Variants in NOL9 observed in about 807,000 individuals in gnomAD.
The protein encoded by NOL9 is nucleolar protein 9, also known as polynucleotide 5'-hydroxyl-kinase NOL9.
In NOL9, 28 loss-of-function variants were observed where a neutral mutation model predicts 67.9. The ratio of observed to expected loss-of-function variants is 0.41; its 90% CI spans 0.31 to 0.57. The LOEUF (loss-of-function observed/expected upper bound fraction) is 0.57. Ranked by LOEUF, NOL9 falls within the 20% of genes least tolerant of loss-of-function variation. NOL9 has a pLI of 0.25. For missense variants in NOL9, 777 were observed against 897.0 expected (o/e 0.87, Z 1.71); for synonymous variants, 356 against 352.2 (o/e 1.01, Z -0.12).
At chr1:6,531,032 A>G (rs1639014218) in intron 9 of NOL9, among the ~76,000 whole-genome samples, 1 of 152,206 alleles carries the variant, frequency 6.6e-6, no homozygotes, top group Non-Finnish European at 1.5e-5. Context: ...ACAGGCTTAG[A>G]ACAGAGTACT....
Position 6,522,332 on chromosome 1 carries a change from C to T in NOL9, c.*3522G>A, listed in dbSNP as rs987763469. On this transcript the variant is annotated 3_prime_UTR_variant, in exon 12 of 12. Coordinates refer to ENST00000377705, the MANE Select transcript of NOL9 (RefSeq NM_024654.5). ...TGGGAGGCCAAGGCAGGCGGATCCC[C>T]TGAGGTTGGAAGTTCGAGACCAGCC... The T allele has an allele frequency of 6.6e-6, 1 of 151,588 alleles. No homozygotes were observed. Among genetic ancestry groups the T allele is most frequent in the African/African-American group, 2.4e-5 (1 of 41,258 alleles). The allele number at this position is 151,588 out of a possible 1,614,324, so 9.4% of individuals were successfully genotyped here.
intron 11 of NOL9, 54 bp from the exon 12 acceptor site, chr1:6,526,057 G>C: frequency 2.0e-6 from 3 of 1,508,540 alleles, no homozygotes; most frequent in Non-Finnish European, 2.8e-6. Context: ...AGCCCAGAGG[G>C]GTTTACAGTG....
intron 3 of NOL9, chr1:6,548,675 G>A (rs1639474030): frequency 4.6e-6 from 1 of 215,752 alleles, no homozygotes; most frequent in East Asian, 1.2e-4. Context: ...AAAATTAGAG[G>A]TAAGGAAAGA....
At chr1:6,537,598 A>T (rs1323220228) in intron 6 of NOL9, among the ~76,000 whole-genome samples, 1 of 152,218 alleles carries the variant, frequency 6.6e-6, no homozygotes, top group Non-Finnish European at 1.5e-5. Context: ...GAAAAGCTAT[A>T]GTAATTAAAA....
At chr1:6,528,377 C>T (rs554526182) in intron 10 of NOL9, among the ~76,000 whole-genome samples, 2 of 152,290 alleles carry the variant, frequency 1.3e-5, no homozygotes, top group African/African-American at 2.4e-5. Flanking sequence ...CGGTGGCTGA[C>T]TAGCATGCTG....
At position 6,550,626 on chromosome 1, in the gene NOL9, G is replaced by T; in HGVS notation, c.397-11C>A. The T allele has an allele frequency of 6.3e-7, 1 of 1,583,984 alleles. No individual in the cohort carries two copies. The highest frequency in any genetic ancestry group is 8.6e-7 in the Non-Finnish European group (1 of 1,156,250). On this transcript the variant is annotated splice_polypyrimidine_tract_variant and intron_variant, in intron 1 of 11. Transcript: ENST00000377705. ...ACTAAAAGTAAAACCCTAGCAGGGA[G>T]AGAAAACAGAAAAAACATTATAGAT...
At position 6,554,374 on chromosome 1, in the gene NOL9, G is replaced by T. The variant is rs1207733150; in HGVS notation, c.129C>A (p.Cys43Ter). ...PRRRLGSLRW[C>*]GRRRLRWRLL... ...ACCGCCACCGTAGGCGCCGCCGACC[G>T]CACCAGCGCAGGCTCCCGAGCCGGC... Residue 43 changes from cysteine to a stop codon, truncating the protein, a stop_gained, in exon 1 of 12, where the codon TGC (cysteine) becomes TGA (stop). Coordinates refer to ENST00000377705, the MANE Select transcript of NOL9 (RefSeq NM_024654.5). LOFTEE classifies it high-confidence loss of function. 6.8e-7 allele frequency: 1 copy of T among 1,465,638 alleles called. No individual in the cohort carries two copies. Among genetic ancestry groups the T allele is most frequent in the Non-Finnish European group, 8.9e-7 (1 of 1,120,490 alleles). The allele number at this position is 1,465,638 out of a possible 1,614,324, so 90.8% of individuals were successfully genotyped here. A position where few individuals can be genotyped will look rare whatever the true frequency, so the allele number is the denominator to read the frequency against.
At position 6,521,492 on chromosome 1, in the gene NOL9, T is replaced by C. The variant is rs1018243096; in HGVS notation, c.*4362A>G. Reference sequence around the variant, plus strand: ...CCTCACAGTGTCAGTGATTACTATGTGGTGGTGGGCTGGAGGATCATTTTC... The same window carrying C: ...CCTCACAGTGTCAGTGATTACTATGCGGTGGTGGGCTGGAGGATCATTTTC... On this transcript the variant is annotated 3_prime_UTR_variant, in exon 12 of 12. Transcript: ENST00000377705. The C allele has an allele frequency of 2.6e-5, 4 of 152,198 alleles. No individual in the cohort carries two copies. The highest frequency in any genetic ancestry group is 9.7e-5 in the African/African-American group (4 of 41,444). The allele number at this position is 152,198 out of a possible 1,614,324, so 9.4% of individuals were successfully genotyped here.
chr1:6,541,135 C>T (rs897405818), intron 6 of NOL9, among the ~76,000 whole-genome samples: 2 of 151,420 alleles, frequency 1.3e-5, no homozygotes, highest in African/African-American at 2.4e-5. Context: ...CCTGCCTCGG[C>T]GTCCCAAGTA....
intron 6 of NOL9, among the ~76,000 whole-genome samples, chr1:6,537,873 A>T (rs1053098567): frequency 5.3e-5 from 8 of 151,838 alleles, no homozygotes; most frequent in African/African-American, 1.9e-4. Flanking sequence ...CTGTAATCCC[A>T]GCACTTTGGA....
intron 3 of NOL9, 89 bp from the exon 4 acceptor site, chr1:6,545,269 CAGAGAAGATAAA>C: frequency 7.5e-7 from 1 of 1,326,950 alleles, no homozygotes; most frequent in Non-Finnish European, 1.0e-6. Flanking sequence ...AGTTGTGAGC[CAGAGAAGATAAA>C]TTGTTTCCTC....
chr1:6,542,900 TAA>T (rs1639330500), intron 5 of NOL9, among the ~76,000 whole-genome samples: 1 of 151,722 alleles, frequency 6.6e-6, no homozygotes, highest in Admixed American at 6.6e-5. Context: ...ATTTTTCATA[TAA>T]GTTTATTTTT....
At position 6,526,722 on chromosome 1, in the gene NOL9, T is replaced by C. The variant is rs759603807; in HGVS notation, c.1933A>G (p.Ile645Val). Residue 645 changes from isoleucine (I) to valine (V), a missense_variant, in exon 11 of 12, where the codon ATT (isoleucine) becomes GTT (valine). Transcript: ENST00000377705. ...VNCLLVGAIAIPHCVLKCQRG... is the reference protein window; with the variant it reads ...VNCLLVGAIAVPHCVLKCQRG... ...TGGCACTTAAGGACACAATGTGGAA[T>C]GGCAATAGCTCCAACGAGCAGACAA... 2 of 1,613,676 alleles carry C rather than the reference T, an allele frequency of 1.2e-6. No homozygotes were observed. Among genetic ancestry groups the C allele is most frequent in the South Asian group, 1.1e-5 (1 of 91,004 alleles).
chr1:6,553,182 C>G (rs997259862), intron 1 of NOL9, among the ~76,000 whole-genome samples: 1 of 152,218 alleles, frequency 6.6e-6, no homozygotes, highest in Non-Finnish European at 1.5e-5. Context: ...ACCGTGAACT[C>G]GGCTCTGTGC....
At position 6,552,034 on chromosome 1, in the gene NOL9, C is replaced by CA. The variant is rs201906852; in HGVS notation, c.397-1420dup. Among the ~76,000 whole-genome samples the CA allele has an allele frequency of 3.1e-3, 461 of 150,354 alleles. 4 individuals are homozygous for CA. Among genetic ancestry groups the CA allele is most frequent in the Non-Finnish European group, 4.2e-3 (282 of 67,492 alleles). On this transcript the variant is annotated intron_variant, in intron 1 of 11. Transcript: ENST00000377705. Reference sequence around the variant, plus strand: ...TGGGCAACAGAGCGAGACTCCATCTCAAAAAAAAAGAAAGAAAATCAAAAT... The same window carrying CA: ...TGGGCAACAGAGCGAGACTCCATCTCAAAAAAAAAAGAAAGAAAATCAAAAT...
chr1:6,552,740 G>A (rs535443326), intron 1 of NOL9, among the ~76,000 whole-genome samples: 1 of 152,228 alleles, frequency 6.6e-6, no homozygotes, highest in African/African-American at 2.4e-5. Context: ...AAAGTGCTGG[G>A]ATTACAGGCG....
Position 6,554,441 on chromosome 1 carries a change from C to A in NOL9, c.62G>T (p.Arg21Leu), listed in dbSNP as rs771756756. Residue 21 changes from arginine to leucine, a missense_variant, in exon 1 of 12, where the codon CGC (arginine) becomes CTC (leucine). Around this residue, in one of 2 missense-constraint regions of NOL9, gnomAD observed 364 missense variants for 344.4 expected, o/e 1.06. Coordinates refer to ENST00000377705, the MANE Select transcript of NOL9 (RefSeq NM_024654.5). ...GSCRSTWLRVRKARPQLILSR... is the reference protein window; with the variant it reads ...GSCRSTWLRVLKARPQLILSR... ...GAGGATGAGCTGGGGCCGGGCCTTGCGGACCCGCAGCCAAGTGGAACGGCA... is the reference window on the plus strand; with the variant it reads ...GAGGATGAGCTGGGGCCGGGCCTTGAGGACCCGCAGCCAAGTGGAACGGCA... 1.3e-6 allele frequency: 2 copies of A among 1,549,644 alleles called. No homozygotes were observed. Among genetic ancestry groups the A allele is most frequent in the Non-Finnish European group, 8.6e-7 (1 of 1,160,038 alleles).
rs890100249 is a variant in NOL9, at chr1:6,523,167, A to G, written c.*2687T>C. On this transcript the variant is annotated 3_prime_UTR_variant, in exon 12 of 12. Coordinates refer to ENST00000377705, the MANE Select transcript of NOL9 (RefSeq NM_024654.5). ...ACAGAGCGAGACTCTGTCTCAAAAA[A>G]AAAGAAAAAAAAAAAAGAATAGCTC... The G allele has an allele frequency of 1.3e-5, 2 of 151,304 alleles. No individual in the cohort carries two copies. The highest frequency in any genetic ancestry group is 2.9e-5 in the Non-Finnish European group (2 of 68,064). The allele number at this position is 151,304 out of a possible 1,614,324, so 9.4% of individuals were successfully genotyped here.
At chr1:6,535,061 C>T (rs1173796164) in intron 6 of NOL9, among the ~76,000 whole-genome samples, 11 of 152,194 alleles carry the variant, frequency 7.2e-5, no homozygotes, top group Admixed American at 6.5e-4. Flanking sequence ...CCGCCTGCCT[C>T]GGCCTGCCAC....
Sources: allele counts gnomAD v4.1 joint callset (sites outside exome capture counted in the v4.1 genomes callset), GRCh38; gene constraint gnomAD v4.1.1; regional missense constraint gnomAD v4.1.1; transcripts MANE v1.5; gene names NCBI Gene and HGNC (gene_info 2026-07-23, HGNC 2026-07-21).